Variants in PHACTR1 observed in about 807,000 individuals in gnomAD.
PHACTR1 encodes phosphatase and actin regulator 1.
A neutral mutation model predicts 69.2 loss-of-function variants in PHACTR1; 16 were observed. The observed-to-expected ratio is 0.23, with a 90% confidence interval of 0.16 to 0.35. The LOEUF is 0.35. PHACTR1 is among the 10% of genes least tolerant of loss of function. PHACTR1 has a pLI of 1.00. For missense variants in PHACTR1, 510 were observed against 734.7 expected, an observed-to-expected ratio of 0.69 and a Z score of 3.54; for synonymous variants, 312 against 284.5, an observed-to-expected ratio of 1.10 and a Z score of -0.97.
intron 5 of PHACTR1, among the ~76,000 whole-genome samples, chr6:13,071,214 G>A (rs556806567): frequency 1.4e-4 from 21 of 152,174 alleles, no homozygotes; most frequent in African/African-American, 4.8e-4. Context: ...ATCACCTGAG[G>A]TCAGGAGTTC....
At chr6:12,904,667 A>AATGACTC (rs1785538440) in intron 4 of PHACTR1, among the ~76,000 whole-genome samples, 1 of 152,130 alleles carries the variant, frequency 6.6e-6, no homozygotes, top group South Asian at 2.1e-4. Context: ...GGGAAGGATA[A>AATGACTC]ATGACTCTTT....
At chr6:12,887,456 A>G (rs1783752390) in intron 4 of PHACTR1, among the ~76,000 whole-genome samples, 1 of 152,180 alleles carries the variant, frequency 6.6e-6, no homozygotes, top group Admixed American at 6.5e-5. Context: ...CGGCTAAGCT[A>G]AGCACTCATA....
At chr6:12,791,748 C>G (rs530178169) in intron 4 of PHACTR1, among the ~76,000 whole-genome samples, 1 of 152,262 alleles carries the variant, frequency 6.6e-6, no homozygotes, top group South Asian at 2.1e-4. Context: ...ACAAAATAAA[C>G]AGCCGTTAAG....
intron 11 of PHACTR1, among the ~76,000 whole-genome samples, chr6:13,277,819 G>A (rs1361487616): frequency 2.0e-5 from 3 of 152,008 alleles, no homozygotes; most frequent in Non-Finnish European, 4.4e-5. Flanking sequence ...GTGTGGTGGC[G>A]TGCATGTGTA....
At chr6:13,249,656 G>A (rs755132261) in intron 10 of PHACTR1, among the ~76,000 whole-genome samples, 14 of 152,020 alleles carry the variant, frequency 9.2e-5, no homozygotes, top group African/African-American at 2.7e-4. Context: ...AAAATTAGCC[G>A]GATGTGGTGG....
At chr6:12,804,686 G>A (rs1774100010) in intron 4 of PHACTR1, among the ~76,000 whole-genome samples, 1 of 152,156 alleles carries the variant, frequency 6.6e-6, no homozygotes, top group African/African-American at 2.4e-5. Context: ...GCCAGATGTG[G>A]TGACATGTGC....
intron 4 of PHACTR1, among the ~76,000 whole-genome samples, chr6:12,831,117 T>G (rs1248388706): frequency 6.6e-6 from 1 of 152,072 alleles, no homozygotes; most frequent in African/African-American, 2.4e-5. Flanking sequence ...AAAAAGAAAA[T>G]AAAGATGAAA....
intron 4 of PHACTR1, among the ~76,000 whole-genome samples, chr6:12,973,879 C>T (rs1794529998): frequency 6.9e-6 from 1 of 144,840 alleles, no homozygotes; most frequent in South Asian, 2.3e-4. Context: ...AATAAACAAA[C>T]AAACAAACAT....
At chr6:13,104,814 G>A (rs1815816372) in intron 5 of PHACTR1, among the ~76,000 whole-genome samples, 1 of 152,152 alleles carries the variant, frequency 6.6e-6, no homozygotes, top group Admixed American at 6.6e-5. Context: ...TATTGGCTAT[G>A]CAAAGATAAA....
rs537146363 is a variant in PHACTR1, at chr6:13,075,642, G to A, written c.415+22113G>A. ...AAGGCCACAGGTGCCCCTTGCGGCC[G>A]TCCTTCTTTCTCAGTCCTAGTTTTG... On this transcript the variant is annotated intron_variant, in intron 5 of 14. Coordinates refer to ENST00000332995, the MANE Select transcript of PHACTR1 (RefSeq NM_030948.6). 2.5e-3 allele frequency among the ~76,000 whole-genome samples: 383 copies of A among 152,238 alleles called. 2 individuals carry two copies. The highest frequency in any genetic ancestry group is 4.6e-3 in the Non-Finnish European group (313 of 68,024).
chr6:13,094,674 A>G (rs534225832), intron 5 of PHACTR1, among the ~76,000 whole-genome samples: 2 of 152,188 alleles, frequency 1.3e-5, no homozygotes, highest in Non-Finnish European at 2.9e-5. Flanking sequence ...GGCGACAGAG[A>G]TGGGAGCATA....
chr6:13,211,817 C>A (rs1766887618), intron 8 of PHACTR1, among the ~76,000 whole-genome samples: 1 of 152,198 alleles, frequency 6.6e-6, no homozygotes, highest in African/African-American at 2.4e-5. Flanking sequence ...TGTGTCCACA[C>A]CTGCTCTGCA....
At chr6:13,120,506 G>C (rs1448799878) in intron 5 of PHACTR1, among the ~76,000 whole-genome samples, 2 of 152,198 alleles carry the variant, frequency 1.3e-5, no homozygotes, top group Non-Finnish European at 2.9e-5. Context: ...TTCACAGGGT[G>C]GGGAGGAGAA....
rs74996450 is a variant in PHACTR1 at position 12,962,278 on chromosome 6, G to A, written c.251-91087G>A. Among the ~76,000 whole-genome samples the A allele has an allele frequency of 5.2e-3, 798 of 152,024 alleles. 5 individuals are homozygous for A. The highest frequency in any genetic ancestry group is 0.018 in the African/African-American group (745 of 41,444). ...ATATTGGATTATCCCTCACCCTTATGACCCCATTTAACCTTAATCATCTCT... is the reference window on the plus strand; with the variant it reads ...ATATTGGATTATCCCTCACCCTTATAACCCCATTTAACCTTAATCATCTCT... On this transcript the variant is annotated intron_variant, in intron 4 of 14. Transcript: ENST00000332995.
At chr6:12,856,251 C>CTTTTTTTTTTTTT (rs201867496) in intron 4 of PHACTR1, among the ~76,000 whole-genome samples, 10 of 95,272 alleles carry the variant, frequency 1.0e-4, no homozygotes, top group African/African-American at 2.7e-4. Context: ...TTCTTTCTTT[C>CTTTTTTTTTTTTT]TTTCTTTTTT....
chr6:12,788,833 G>T (rs1255023970), intron 4 of PHACTR1, among the ~76,000 whole-genome samples: 1 of 152,204 alleles, frequency 6.6e-6, no homozygotes, highest in Non-Finnish European at 1.5e-5. Flanking sequence ...AGGCAGATTT[G>T]ATTAAATTCT....
At chr6:12,878,546 A>G (rs1326987730) in intron 4 of PHACTR1, among the ~76,000 whole-genome samples, 6 of 152,228 alleles carry the variant, frequency 3.9e-5, no homozygotes, top group African/African-American at 1.4e-4. Flanking sequence ...TTATCATCTT[A>G]CAGGGGAACC....
At chr6:12,857,077 C>T (rs1780453269) in intron 4 of PHACTR1, among the ~76,000 whole-genome samples, 1 of 152,098 alleles carries the variant, frequency 6.6e-6, no homozygotes, top group African/African-American at 2.4e-5. Flanking sequence ...GAACACAGAA[C>T]CTGGAAAAAA....
At position 13,195,757 on chromosome 6, in the gene PHACTR1, C is replaced by CAAAAAAAAAAAAAAAAAAAAAAAAAAAAA. The variant is rs869092852; in HGVS notation, c.665-10035_665-10034insAAAAAAAAAAAAAAAAAAAAAAAAAAAAA. On this transcript the variant is annotated intron_variant, in intron 7 of 14. Coordinates refer to ENST00000332995, the MANE Select transcript of PHACTR1 (RefSeq NM_030948.6). ...TGGGCGACAGAGAGAGACACCGTCTCAAAAAAAAAAAAAAAAAAAAAAAGT... is the reference window on the plus strand; with the variant it reads ...TGGGCGACAGAGAGAGACACCGTCTCAAAAAAAAAAAAAAAAAAAAAAAAAAAAAAAAAAAAAAAAAAAAAAAAAAAAGT... 1.1e-3 allele frequency among the ~76,000 whole-genome samples: 46 copies of CAAAAAAAAAAAAAAAAAAAAAAAAAAAAA among 41,488 alleles called. 6 individuals are homozygous for CAAAAAAAAAAAAAAAAAAAAAAAAAAAAA. The highest frequency in any genetic ancestry group is 1.7e-3 in the East Asian group (6 of 3,512). 27.2% of individuals were successfully genotyped at this position (41,488 alleles called of 152,430 possible). A position where few individuals can be genotyped will look rare whatever the true frequency, so the allele number is the denominator to read the frequency against.
Sources: allele counts gnomAD v4.1 joint callset (sites outside exome capture counted in the v4.1 genomes callset), GRCh38; gene constraint gnomAD v4.1.1; transcripts MANE v1.5; gene names NCBI Gene and HGNC (gene_info 2026-07-23, HGNC 2026-07-21).